Variants in TRIM29 observed in about 807,000 individuals in gnomAD.
TRIM29 encodes tripartite motif-containing protein 29.
In TRIM29, 52 loss-of-function variants were observed where a neutral mutation model predicts 57.3. The ratio of observed to expected loss-of-function variants is 0.91; its 90% CI spans 0.73 to 1.14. The LOEUF is 1.14. Ranked by LOEUF, TRIM29 falls within the 50% of genes most tolerant of loss-of-function variation. The pLI is 0.00. For synonymous variants in TRIM29, 319 were observed against 316.9 expected (o/e 1.01, Z -0.07); for missense variants, 753 against 774.6 (o/e 0.97, Z 0.33).
chr11:120,136,029 G>T, intron 1 of TRIM29, among the ~76,000 whole-genome samples: 1 of 152,150 alleles, frequency 6.6e-6, no homozygotes, highest in East Asian at 1.9e-4. Flanking sequence ...CCACAAGCCT[G>T]CACTTGCCTC....
In TRIM29 at chr11:120,137,648, G is replaced by T. The variant is rs1361471665; in HGVS notation, c.384C>A (p.Arg128=). Residue 128 remains arginine, a synonymous_variant, in exon 1 of 9, where the codon CGC becomes CGA. Coordinates refer to ENST00000341846, the MANE Select transcript of TRIM29 (RefSeq NM_012101.4). The surrounding 1 kb of genome is among the most constrained non-coding windows in gnomAD (Gnocchi z 6.2). ...PVTFAEKGEL[R]KSIFSESRKP... ...TCCGGGACTCCGAGAAAATGGACTT[G>T]CGCAGCTCGCCCTTTTCGGCAAAGG... 1 of 1,613,700 alleles carries T rather than the reference G, an allele frequency of 6.2e-7. No individual in the cohort carries two copies. Among genetic ancestry groups the T allele is most frequent in the Non-Finnish European group, 8.5e-7 (1 of 1,180,024 alleles).
chr11:120,127,114 T>G (rs774820795), intron 3 of TRIM29, among the ~76,000 whole-genome samples: 7 of 152,206 alleles, frequency 4.6e-5, no homozygotes, highest in Non-Finnish European at 7.3e-5. Context: ...TTTGCCATCT[T>G]GAGAGTAGGT....
chr11:120,112,407 C>T lies in TRIM29; in HGVS notation c.*7G>A, dbSNP rs745809428. The T allele has an allele frequency of 1.2e-6, 2 of 1,613,592 alleles. No homozygotes were observed. The highest frequency in any genetic ancestry group is 1.7e-6 in the Non-Finnish European group (2 of 1,179,748). On this transcript the variant is annotated 3_prime_UTR_variant, in exon 9 of 9. Transcript: ENST00000341846. ...GGGTGTGGCGCCTCGTTCCTTCCGC[C>T]AGGAGCTCATGGGGCTTCGTTGGAC...
At chr11:120,114,701 A>AG (rs1863223055) in intron 8 of TRIM29, among the ~76,000 whole-genome samples, 1 of 152,154 alleles carries the variant, frequency 6.6e-6, no homozygotes, top group African/African-American at 2.4e-5. Context: ...GGATCATCTC[A>AG]GTCCCCACAT....
Position 120,127,477 on chromosome 11 carries a change from C to T in TRIM29, c.993G>A (p.Ala331=), listed in dbSNP as rs762009109. The change falls in exon 3 of 9, where the codon GCG becomes GCA. Residue 331 remains alanine (A), a synonymous_variant. Transcript: ENST00000341846. The part of the protein sequence containing the change: ...LEKQKEEVRA[A]LEQREQDAVD... Reference sequence around the variant, plus strand: ...CAGCATCCTGCTCCCGCTGCTCCAGCGCAGCCCTCACTTCCTCCTTTTGCT... The same window carrying T: ...CAGCATCCTGCTCCCGCTGCTCCAGTGCAGCCCTCACTTCCTCCTTTTGCT... The T allele has an allele frequency of 6.2e-6, 10 of 1,614,110 alleles. No homozygotes were observed. The highest frequency in any genetic ancestry group is 3.3e-5 in the Admixed American group (2 of 60,002).
chr11:120,123,216 A>G, intron 4 of TRIM29, 161 bp from the exon 5 acceptor site: 1 of 709,966 alleles, frequency 1.4e-6, no homozygotes, highest in Non-Finnish European at 2.6e-6. Context: ...CGCCCTGCCC[A>G]GCATTCACTC....
intron 8 of TRIM29, 94 bp from the exon 9 acceptor site, chr11:120,112,570 G>C (rs73002783): frequency 2.2e-5 from 30 of 1,367,270 alleles, no homozygotes; most frequent in African/African-American, 2.9e-5. Context: ...GGAGGCAGCA[G>C]TGATCCAAGA....
At chr11:120,127,663 G>T in intron 2 of TRIM29, 94 bp from the exon 3 acceptor site, 1 of 1,171,110 alleles carries the variant, frequency 8.5e-7, no homozygotes, top group Non-Finnish European at 1.2e-6. Context: ...TCCAGCACAG[G>T]ATCAGGGCAT....
At chr11:120,126,015 G>T in intron 3 of TRIM29, 126 bp from the exon 4 acceptor site, 1 of 918,834 alleles carries the variant, frequency 1.1e-6, no homozygotes, top group Non-Finnish European at 1.6e-6. Flanking sequence ...TTCCTCACTG[G>T]ATGTTTGTTT....
chr11:120,114,837 G>A (rs1185525444), intron 8 of TRIM29, among the ~76,000 whole-genome samples: 2 of 152,042 alleles, frequency 1.3e-5, no homozygotes, highest in Admixed American at 6.5e-5. Flanking sequence ...GCCTGGCCTC[G>A]GGTCATTAGA....
At chr11:120,127,262 T>C (rs991812638) in intron 3 of TRIM29, 74 bp downstream of exon 3, 31 of 1,299,550 alleles carry the variant, frequency 2.4e-5, no homozygotes, top group East Asian at 7.0e-5. Context: ...GGTGGATGGA[T>C]GGATGTTGGA....
intron 6 of TRIM29, among the ~76,000 whole-genome samples, chr11:120,119,165 G>A (rs1863366548): frequency 6.6e-6 from 1 of 152,196 alleles, no homozygotes. Context: ...TAGTCCAGAG[G>A]AGAAGAAGGC....
intron 1 of TRIM29, among the ~76,000 whole-genome samples, chr11:120,133,794 T>C (rs1043353625): frequency 7.2e-5 from 11 of 152,128 alleles, no homozygotes; most frequent in African/African-American, 2.7e-4. Context: ...GCCACAGATG[T>C]GGTGAGAGAA....
At chr11:120,136,686 A>T (rs1036233783) in intron 1 of TRIM29, among the ~76,000 whole-genome samples, 3 of 152,092 alleles carry the variant, frequency 2.0e-5, no homozygotes. Flanking sequence ...AGGACCTTTC[A>T]GTGGGCCCCA....
intron 8 of TRIM29, among the ~76,000 whole-genome samples, chr11:120,114,979 C>T (rs554257204): frequency 4.3e-4 from 66 of 152,308 alleles, no homozygotes; most frequent in Non-Finnish European, 6.6e-4. Flanking sequence ...TAGGAGGAGG[C>T]CTGTCCTCCC....
At chr11:120,132,100 G>C (rs1366159723) in intron 1 of TRIM29, among the ~76,000 whole-genome samples, 3 of 151,618 alleles carry the variant, frequency 2.0e-5, no homozygotes, top group Non-Finnish European at 4.4e-5. Context: ...GCACTAGGCT[G>C]TCCTGTGTGT....
chr11:120,115,268 C>T, intron 8 of TRIM29, 70 bp downstream of exon 8: 1 of 1,497,920 alleles, frequency 6.7e-7, no homozygotes, highest in Non-Finnish European at 9.2e-7. Context: ...AACCGATTGC[C>T]TCCAGGGAGC....
intron 6 of TRIM29, among the ~76,000 whole-genome samples, chr11:120,118,560 G>A (rs1863344838): frequency 6.6e-6 from 1 of 152,106 alleles, no homozygotes; most frequent in South Asian, 2.1e-4. Flanking sequence ...CAGAATAAGG[G>A]ACAAAGTCCC....
chr11:120,127,567 G>A lies in TRIM29; in HGVS notation c.903C>T (p.Ser301=). The change falls in exon 3 of 9, where the codon AGC becomes AGT. Residue 301 remains serine (S), a splice_region_variant and synonymous_variant. Coordinates refer to ENST00000341846, the MANE Select transcript of TRIM29 (RefSeq NM_012101.4). ...KWQKEKDRIK[S]FTTNEKAILE... is the part of the protein sequence containing the mutation. The stretch of plus-strand genomic sequence containing the variant: ...GGATGGCCTTCTCATTGGTGGTGAA[G>A]CTCTGGAGGTCCAGAGTCAGGGAAG... 2 of 1,613,504 alleles carry A rather than the reference G, an allele frequency of 1.2e-6. No individual in the cohort carries two copies. Among genetic ancestry groups the A allele is most frequent in the Non-Finnish European group, 1.7e-6 (2 of 1,179,662 alleles).
Sources: allele counts gnomAD v4.1 joint callset (sites outside exome capture counted in the v4.1 genomes callset), GRCh38; gene constraint gnomAD v4.1.1; non-coding constraint Gnocchi (gnomAD v3.1); transcripts MANE v1.5; gene names NCBI Gene and HGNC (gene_info 2026-07-23, HGNC 2026-07-21).